Variants in FHIT observed in about 807,000 individuals in gnomAD.
FHIT encodes the protein bis(5'-adenosyl)-triphosphatase.
FHIT carries 19 observed loss-of-function variants against 17.9 expected under a neutral mutation model. The ratio of observed to expected loss-of-function variants is 1.06; its 90% confidence interval spans 0.74 to 1.56. The LOEUF (loss-of-function observed/expected upper bound fraction) is 1.56, where lower values mean the gene tolerates loss of function less well. FHIT is among the 40% of genes most tolerant of loss of function. The pLI is 0.00. For missense variants in FHIT, 248 were observed against 189.2 expected, an observed-to-expected ratio of 1.31 and a Z score of -1.82; for synonymous variants, 81 against 69.7, an observed-to-expected ratio of 1.16 and a Z score of -0.81.
chr3:60,528,545 A>G (rs2035657281), intron 5 of FHIT, among the ~76,000 whole-genome samples: 1 of 152,178 alleles, frequency 6.6e-6, no homozygotes, highest in African/African-American at 2.4e-5. Flanking sequence ...GAAGATGACC[A>G]TTTGATACGA....
intron 3 of FHIT, among the ~76,000 whole-genome samples, chr3:60,978,697 G>T (rs1710365818): frequency 6.6e-6 from 1 of 152,018 alleles, no homozygotes; most frequent in African/African-American, 2.4e-5. Context: ...CAGCTACAAG[G>T]AACAAATGAG....
At chr3:60,174,385 G>C (rs1701572498) in intron 5 of FHIT, among the ~76,000 whole-genome samples, 3 of 151,888 alleles carry the variant, frequency 2.0e-5, no homozygotes, top group Non-Finnish European at 4.4e-5. Flanking sequence ...AAAATGCTCT[G>C]TCTTGATATG....
At chr3:59,932,233 T>C (rs574287259) in intron 7 of FHIT, among the ~76,000 whole-genome samples, 1 of 152,272 alleles carries the variant, frequency 6.6e-6, no homozygotes, top group South Asian at 2.1e-4. Flanking sequence ...CATAAAATGC[T>C]GTGATAGGCA....
intron 3 of FHIT, among the ~76,000 whole-genome samples, chr3:61,012,305 C>T (rs1463981294): frequency 6.6e-6 from 1 of 152,098 alleles, no homozygotes; most frequent in Non-Finnish European, 1.5e-5. Context: ...AATTGAATAT[C>T]TTGAGTGACT....
At chr3:60,475,916 G>T (rs1023781254) in intron 5 of FHIT, among the ~76,000 whole-genome samples, 1 of 151,960 alleles carries the variant, frequency 6.6e-6, no homozygotes, top group Non-Finnish European at 1.5e-5. Flanking sequence ...CTCATGCCCA[G>T]ATTTCCCTAC....
At chr3:60,601,541 A>C (rs61076572) in intron 4 of FHIT, among the ~76,000 whole-genome samples, 1,559 of 152,298 alleles carry the variant, frequency 0.01, 33 homozygotes, top group African/African-American at 0.036. Flanking sequence ...GAAGATGAAG[A>C]TCAACTCACA....
At chr3:60,345,316 G>C (rs755079595) in intron 5 of FHIT, among the ~76,000 whole-genome samples, 1 of 152,114 alleles carries the variant, frequency 6.6e-6, no homozygotes, top group African/African-American at 2.4e-5. Context: ...TCATCAATTA[G>C]AGACAGCATG....
intron 8 of FHIT, among the ~76,000 whole-genome samples, chr3:59,845,940 C>T (rs550587434): frequency 7.4e-4 from 112 of 152,220 alleles, no homozygotes; most frequent in South Asian, 1.5e-3. Flanking sequence ...ATGGAATATC[C>T]TTTTCTGTCC....
At chr3:61,048,115 A>C (rs1221105591) in intron 2 of FHIT, among the ~76,000 whole-genome samples, 1 of 151,988 alleles carries the variant, frequency 6.6e-6, no homozygotes, top group African/African-American at 2.4e-5. Context: ...AAAAGCCAAA[A>C]TTGACAAATG....
intron 5 of FHIT, among the ~76,000 whole-genome samples, chr3:60,361,774 T>C (rs149824760): frequency 4.6e-5 from 7 of 152,280 alleles, no homozygotes; most frequent in Non-Finnish European, 1.0e-4. Context: ...GTTCTTACCA[T>C]ATCTCTCCTG....
intron 4 of FHIT, among the ~76,000 whole-genome samples, chr3:60,787,677 TG>T (rs1432066170): frequency 2.6e-5 from 4 of 152,214 alleles, no homozygotes; most frequent in African/African-American, 9.6e-5. Flanking sequence ...CTCAATAAAA[TG>T]CATTTGTAAC....
intron 3 of FHIT, among the ~76,000 whole-genome samples, chr3:60,884,124 C>T (rs373234987): frequency 9.9e-5 from 15 of 152,034 alleles, no homozygotes; most frequent in African/African-American, 2.7e-4. Flanking sequence ...GCTCAGCATC[C>T]GTAATCCTCA....
intron 5 of FHIT, among the ~76,000 whole-genome samples, chr3:60,493,331 A>G (rs541304701): frequency 2.0e-5 from 3 of 152,204 alleles, no homozygotes; most frequent in Non-Finnish European, 2.9e-5. Context: ...GAATCAGCCT[A>G]TATCCAAGGA....
intron 8 of FHIT, among the ~76,000 whole-genome samples, chr3:59,917,800 T>C (rs1469793251): frequency 1.3e-5 from 2 of 152,058 alleles, no homozygotes; most frequent in African/African-American, 4.8e-5. Context: ...GAGATGATAA[T>C]CAAGATTGGA....
intron 8 of FHIT, among the ~76,000 whole-genome samples, chr3:59,766,813 G>A (rs1450680209): frequency 1.3e-5 from 2 of 152,128 alleles, no homozygotes; most frequent in Admixed American, 6.5e-5. Context: ...CAGACAAGAC[G>A]TTGAAAGAAG....
intron 8 of FHIT, among the ~76,000 whole-genome samples, chr3:59,836,202 A>G (rs1400290598): frequency 1.3e-5 from 2 of 152,196 alleles, no homozygotes; most frequent in South Asian, 4.1e-4. Context: ...GCAGGAGACT[A>G]GAAGATGAGT....
chr3:59,846,632 GC>G, intron 8 of FHIT, among the ~76,000 whole-genome samples: 1 of 152,180 alleles, frequency 6.6e-6, no homozygotes, highest in African/African-American at 2.4e-5. Flanking sequence ...AATAACACTA[GC>G]TTTTCTACTT....
At chr3:59,825,244 A>G (rs1448244545) in intron 8 of FHIT, among the ~76,000 whole-genome samples, 2 of 152,126 alleles carry the variant, frequency 1.3e-5, no homozygotes, top group Non-Finnish European at 2.9e-5. Context: ...TGGATTTTCT[A>G]TGAAGATCAT....
chr3:60,257,960 G>A (rs1417034864), intron 5 of FHIT, among the ~76,000 whole-genome samples: 6 of 151,978 alleles, frequency 3.9e-5, no homozygotes, highest in Admixed American at 3.3e-4. Flanking sequence ...TAATACCTGG[G>A]TGATGGGTTG....
Sources: allele counts gnomAD v4.1 joint callset (sites outside exome capture counted in the v4.1 genomes callset), GRCh38; gene constraint gnomAD v4.1.1; transcripts MANE v1.5; gene names NCBI Gene and HGNC (gene_info 2026-07-23, HGNC 2026-07-21).